The following PEX5L variants were observed in gnomAD, a reference collection of about 807,000 sequenced individuals.
PEX5L encodes peroxisomal biogenesis factor 5 like, also known as PEX5-related protein.
PEX5L carries 30 observed loss-of-function variants against 84.0 expected under a neutral mutation model. The ratio of observed to expected loss-of-function variants is 0.36; its 90% CI spans 0.27 to 0.48. PEX5L has a LOEUF of 0.48. PEX5L is among the 20% of genes least tolerant of loss of function. The probability of loss-of-function intolerance (pLI) is 0.99; values close to 1 mark genes in which losing one functional copy is unlikely to be tolerated. For synonymous variants in PEX5L, 270 were observed against 283.1 expected, an observed-to-expected ratio of 0.95 and a Z score of 0.46; for missense variants, 533 against 754.6, an observed-to-expected ratio of 0.71 and a Z score of 3.44.
rs1764791152 is a variant in PEX5L at position 179,910,516 on chromosome 3, A to C, written c.94-12270T>G. On this transcript the variant is annotated intron_variant, in intron 2 of 14. Transcript: ENST00000467460. ...ATATATAGTTGATATGTATGTAAACAGAAAACAAATTAAAAAAAGAACATT... is the reference window on the plus strand; with the variant it reads ...ATATATAGTTGATATGTATGTAAACCGAAAACAAATTAAAAAAAGAACATT... 3.3e-5 allele frequency among the ~76,000 whole-genome samples: 5 copies of C among 152,256 alleles called. 1 individual carries two copies. Among genetic ancestry groups the C allele is most frequent in the Admixed American group, 2.0e-4 (3 of 15,288 alleles).
intron 7 of PEX5L, 112 bp from the exon 8 acceptor site, chr3:179,859,269 T>A: frequency 1.3e-6 from 1 of 756,906 alleles, no homozygotes. Flanking sequence ...AAGAATCATC[T>A]GTGACTGATG....
At chr3:179,914,479 G>A (rs985069875) in intron 2 of PEX5L, among the ~76,000 whole-genome samples, 4 of 152,018 alleles carry the variant, frequency 2.6e-5, no homozygotes, top group African/African-American at 9.7e-5. Flanking sequence ...TTTTAATGGA[G>A]GTCTACACTA....
intron 1 of PEX5L, among the ~76,000 whole-genome samples, chr3:180,014,570 C>A (rs1054086845): frequency 3.9e-5 from 6 of 151,936 alleles, no homozygotes; most frequent in African/African-American, 1.5e-4. Flanking sequence ...GTTTTAGTCT[C>A]TATAAAGCAT....
chr3:179,890,666 C>T lies in PEX5L; in HGVS notation c.199-2882G>A, dbSNP rs191226402. On this transcript the variant is annotated intron_variant, in intron 3 of 14. Transcript: ENST00000467460. ...TCTTTACTTTGGATACAGTTAAATG[C>T]CTTAGTAAAAAAACAAACAAACAAA... 6.9e-4 allele frequency among the ~76,000 whole-genome samples: 105 copies of T among 152,074 alleles called. 1 individual carries two copies. Among genetic ancestry groups the T allele is most frequent in the East Asian group, 6.8e-3 (35 of 5,180 alleles).
intron 1 of PEX5L, among the ~76,000 whole-genome samples, chr3:179,997,432 A>G (rs1172734718): frequency 6.6e-6 from 1 of 152,208 alleles, no homozygotes; most frequent in Non-Finnish European, 1.5e-5. Context: ...TAGCTGGCAG[A>G]ACCCCCACAT....
At chr3:179,981,526 T>G (rs1346735205) in intron 1 of PEX5L, among the ~76,000 whole-genome samples, 1 of 152,234 alleles carries the variant, frequency 6.6e-6, no homozygotes, top group Admixed American at 6.5e-5. Context: ...ATCATGAGAT[T>G]ACTTTTTCAA....
rs1021541896 is a variant in PEX5L at position 179,878,889 on chromosome 3, G to A, written c.505+1040C>T. 6.6e-5 allele frequency among the ~76,000 whole-genome samples: 10 copies of A among 152,134 alleles called. No homozygotes were observed. The South Asian group carries it at 1.7e-3, about 25-fold the overall frequency. On this transcript the variant is annotated intron_variant, in intron 5 of 14. Transcript: ENST00000467460. Reference sequence around the variant, plus strand: ...CTGTAAATTTGCTAAGGCACAGAGAGCTTATATTATTTATCTTTGTATTCC... The same window carrying A: ...CTGTAAATTTGCTAAGGCACAGAGAACTTATATTATTTATCTTTGTATTCC...
chr3:179,986,010 G>A (rs1786778516), intron 1 of PEX5L, among the ~76,000 whole-genome samples: 1 of 152,062 alleles, frequency 6.6e-6, no homozygotes, highest in African/African-American at 2.4e-5. Context: ...GGATGTTTCT[G>A]CAGGAAGTAA....
intron 7 of PEX5L, among the ~76,000 whole-genome samples, chr3:179,868,022 T>C (rs1748946637): frequency 7.9e-6 from 1 of 126,424 alleles, no homozygotes; most frequent in South Asian, 3.3e-4. Flanking sequence ...ATTATTTATG[T>C]ATTTATTCTT....
At chr3:179,849,241 A>T (rs1740823839) in intron 8 of PEX5L, among the ~76,000 whole-genome samples, 3 of 152,334 alleles carry the variant, frequency 2.0e-5, no homozygotes, top group African/African-American at 7.2e-5. Context: ...TTTTGTAATT[A>T]ATACAGTTCT....
chr3:179,959,492 C>G (rs1331649183), intron 2 of PEX5L, among the ~76,000 whole-genome samples: 1 of 151,966 alleles, frequency 6.6e-6, no homozygotes, highest in Non-Finnish European at 1.5e-5. Context: ...CAAACACCTA[C>G]CAAAAAATTA....
chr3:180,032,532 A>C (rs1196205456), intron 1 of PEX5L, among the ~76,000 whole-genome samples: 1 of 152,192 alleles, frequency 6.6e-6, no homozygotes, highest in East Asian at 1.9e-4. Context: ...ATGCCTTAGC[A>C]AAGGGTTAAG....
chr3:180,024,373 T>TATATATATAC (rs1396023654), intron 1 of PEX5L, among the ~76,000 whole-genome samples: 16 of 78,990 alleles, frequency 2.0e-4, no homozygotes, highest in African/African-American at 5.7e-4. Context: ...TATATATATA[T>TATATATATAC]ACACACACAA....
intron 8 of PEX5L, among the ~76,000 whole-genome samples, chr3:179,826,915 C>T (rs1730708981): frequency 6.6e-6 from 1 of 152,096 alleles, no homozygotes; most frequent in Non-Finnish European, 1.5e-5. Flanking sequence ...GTGGATGCTA[C>T]CCTCAAGAAG....
intron 10 of PEX5L, among the ~76,000 whole-genome samples, chr3:179,813,897 C>T (rs1235386489): frequency 6.6e-6 from 1 of 151,050 alleles, no homozygotes; most frequent in Non-Finnish European, 1.5e-5. Flanking sequence ...AGGATGGTCT[C>T]GATCTCCTGA....
At chr3:179,973,368 T>C in intron 1 of PEX5L, 1 of 1,144,366 alleles carries the variant, frequency 8.7e-7, no homozygotes, top group Non-Finnish European at 1.1e-6. Context: ...GAAGTATTCC[T>C]GAATCATTGT....
At chr3:180,024,958 G>A (rs569542556) in intron 1 of PEX5L, among the ~76,000 whole-genome samples, 5 of 152,140 alleles carry the variant, frequency 3.3e-5, no homozygotes, top group Admixed American at 2.6e-4. Flanking sequence ...ATCTTGGCTG[G>A]TTAGAGATAC....
chr3:179,820,092 GACATCCA>G, intron 8 of PEX5L, 116 bp from the exon 9 acceptor site: 1 of 1,451,970 alleles, frequency 6.9e-7, no homozygotes, highest in Admixed American at 2.0e-5. Flanking sequence ...AATGGCTGAT[GACATCCA>G]ACTGATAGGC....
intron 1 of PEX5L, among the ~76,000 whole-genome samples, chr3:180,033,976 CG>C (rs1400423930): frequency 6.6e-6 from 1 of 152,140 alleles, no homozygotes; most frequent in Non-Finnish European, 1.5e-5. Context: ...TAAAAGTCTG[CG>C]GTTTCTAAAA....
Sources: allele counts gnomAD v4.1 joint callset (sites outside exome capture counted in the v4.1 genomes callset), GRCh38; gene constraint gnomAD v4.1.1; transcripts MANE v1.5; gene names NCBI Gene and HGNC (gene_info 2026-07-23, HGNC 2026-07-21).